Variants in CDHR3 observed in about 807,000 individuals in gnomAD.
The protein encoded by CDHR3 is cadherin-related family member 3.
In CDHR3, 79 loss-of-function variants were observed where a neutral mutation model predicts 86.6. That is an observed-to-expected ratio of 0.91 (90% CI 0.76 to 1.10). CDHR3 has a LOEUF of 1.10. CDHR3 is among the 50% of genes least tolerant of loss of function. The pLI is 0.00. For synonymous variants in CDHR3, 421 were observed against 402.4 expected (o/e 1.05, Z -0.55); for missense variants, 1,081 against 1,077.6 (o/e 1.00, Z -0.04).
At position 105,984,219 on chromosome 7, in the gene CDHR3, C is replaced by A; in HGVS notation, c.443C>A (p.Ala148Glu). 6.2e-7 allele frequency: 1 copy of A among 1,609,944 alleles called. No individual in the cohort carries two copies. Among genetic ancestry groups the A allele is most frequent in the South Asian group, 1.1e-5 (1 of 90,424 alleles). ...CTACACCTCTACATAGTAGAAAGAG[C>A]AAACCCTGGATTCATTTACCAGGTT... is the stretch of plus-strand genomic sequence containing the variant. ...EGLHLYIVERANPGFIYQVEA... is the reference protein window; with the variant it reads ...EGLHLYIVERENPGFIYQVEA... Residue 148 changes from alanine (A) to glutamate (E), a missense_variant, in exon 4 of 19, where the codon GCA (alanine) becomes GAA (glutamate). Coordinates refer to ENST00000317716, the MANE Select transcript of CDHR3 (RefSeq NM_152750.5).
intron 2 of CDHR3, among the ~76,000 whole-genome samples, chr7:105,976,931 G>C (rs746950197): frequency 6.6e-6 from 1 of 150,650 alleles, no homozygotes; most frequent in Non-Finnish European, 1.5e-5. Context: ...AGATGATCAT[G>C]TTCCTTTGAA....
chr7:105,992,040 T>G (rs148124308), intron 4 of CDHR3, among the ~76,000 whole-genome samples: 43 of 152,340 alleles, frequency 2.8e-4, no homozygotes, highest in Admixed American at 7.8e-4. Context: ...GTATTCCAGA[T>G]GAGTCTAAGA....
intron 10 of CDHR3, 182 bp from the exon 11 acceptor site, chr7:106,015,745 T>C (rs561515943): frequency 1.5e-6 from 1 of 647,376 alleles, no homozygotes; most frequent in Admixed American, 2.2e-5. Flanking sequence ...GTGCTCTGTG[T>C]GCTCATGCGC....
chr7:105,980,402 A>T (rs1337320612), intron 2 of CDHR3, among the ~76,000 whole-genome samples: 1 of 148,202 alleles, frequency 6.7e-6, no homozygotes, highest in East Asian at 2.0e-4. Flanking sequence ...TATACAAGTT[A>T]TGGTTCTATT....
intron 10 of CDHR3, 174 bp from the exon 11 acceptor site, chr7:106,015,753 C>A (rs1162242343): frequency 3.0e-6 from 2 of 660,588 alleles, no homozygotes; most frequent in Non-Finnish European, 5.6e-6. Context: ...TGTGCTCATG[C>A]GCTTATCAAA....
At chr7:106,019,686 G>T (rs557028969) in intron 12 of CDHR3, among the ~76,000 whole-genome samples, 24 of 152,322 alleles carry the variant, frequency 1.6e-4, no homozygotes, top group African/African-American at 4.6e-4. Context: ...GCTTATGGCA[G>T]GTTAGCTCTA....
At chr7:106,020,664 TA>T in intron 13 of CDHR3, 120 bp downstream of exon 13, 2 of 1,143,016 alleles carry the variant, frequency 1.7e-6, no homozygotes, top group African/African-American at 1.6e-5. Flanking sequence ...GGGAGGGCAT[TA>T]TTTTTTTGAG....
At chr7:105,975,279 T>G (rs1272269309) in intron 2 of CDHR3, among the ~76,000 whole-genome samples, 2 of 152,230 alleles carry the variant, frequency 1.3e-5, no homozygotes, top group African/African-American at 4.8e-5. Context: ...CTCAATGTGT[T>G]GCAAATAGAG....
chr7:106,009,479 G>C (rs909636275), intron 8 of CDHR3, among the ~76,000 whole-genome samples: 1 of 152,260 alleles, frequency 6.6e-6, no homozygotes, highest in Admixed American at 6.5e-5. Context: ...CAATGGCATG[G>C]TTCTGCCACA....
intron 6 of CDHR3, among the ~76,000 whole-genome samples, chr7:106,000,766 A>G (rs1218986728): frequency 6.6e-6 from 1 of 152,152 alleles, no homozygotes; most frequent in Non-Finnish European, 1.5e-5. Context: ...ATTTGGGGTT[A>G]TCTTGCAAGA....
At chr7:106,026,443 C>G (rs1009508533) in intron 15 of CDHR3, among the ~76,000 whole-genome samples, 4 of 152,190 alleles carry the variant, frequency 2.6e-5, no homozygotes, top group African/African-American at 9.7e-5. Context: ...TAAGGTGATA[C>G]TTTTCAACTC....
Position 106,003,989 on chromosome 7 carries a change from CAAAAAAA to C in CDHR3, c.863-493_863-487del, listed in dbSNP as rs55815648. The stretch of plus-strand genomic sequence containing the variant: ...AGAAACTAAGGTAAACCAACCTAAC[CAAAAAAA>C]AAAAAAAAAAAAAAAGAAAGAAAAA... On this transcript the variant is annotated intron_variant, in intron 7 of 18. Coordinates refer to ENST00000317716, the MANE Select transcript of CDHR3 (RefSeq NM_152750.5). 2.2e-3 allele frequency among the ~76,000 whole-genome samples: 178 copies of C among 79,972 alleles called. 1 individual carries two copies. The highest frequency in any genetic ancestry group is 5.8e-3 in the African/African-American group (121 of 20,968). 52.5% of individuals were successfully genotyped at this position (79,972 alleles called of 152,430 possible). A position where few individuals can be genotyped will look rare whatever the true frequency, so the allele number is the denominator to read the frequency against.
At chr7:106,032,085 T>C (rs1048050527) in intron 18 of CDHR3, among the ~76,000 whole-genome samples, 1 of 152,208 alleles carries the variant, frequency 6.6e-6, no homozygotes, top group South Asian at 2.1e-4. Context: ...AAAGCTTGCA[T>C]GGAGTTCAAG....
intron 8 of CDHR3, among the ~76,000 whole-genome samples, chr7:106,008,131 A>C (rs1466344463): frequency 6.6e-6 from 1 of 152,138 alleles, no homozygotes; most frequent in Non-Finnish European, 1.5e-5. Flanking sequence ...ACCATGATTC[A>C]ATTTCCTCCT....
At chr7:106,029,644 C>T (rs1838037408) in intron 17 of CDHR3, among the ~76,000 whole-genome samples, 1 of 152,024 alleles carries the variant, frequency 6.6e-6, no homozygotes, top group Non-Finnish European at 1.5e-5. Flanking sequence ...CTCCCTCCAG[C>T]TCTTCCCTAC....
chr7:106,008,926 T>G (rs1834344757), intron 8 of CDHR3, among the ~76,000 whole-genome samples: 2 of 152,088 alleles, frequency 1.3e-5, no homozygotes. Flanking sequence ...CCTTGTCCAT[T>G]TTCTCTCTTC....
chr7:106,001,714 T>A, intron 7 of CDHR3, 104 bp downstream of exon 7: 1 of 1,443,810 alleles, frequency 6.9e-7, no homozygotes, highest in East Asian at 2.3e-5. Flanking sequence ...GGTTCTAGGA[T>A]GCACCGTGGA....
intron 6 of CDHR3, among the ~76,000 whole-genome samples, chr7:105,996,827 T>C (rs778216037): frequency 8.5e-5 from 13 of 152,136 alleles, no homozygotes; most frequent in Non-Finnish European, 1.9e-4. Flanking sequence ...CCTGCCATGG[T>C]GGATCCAGAA....
At chr7:106,012,089 A>T (rs1436798480) in intron 8 of CDHR3, among the ~76,000 whole-genome samples, 1 of 152,178 alleles carries the variant, frequency 6.6e-6, no homozygotes, top group African/African-American at 2.4e-5. Flanking sequence ...CTTCTTCACT[A>T]CTGTGCTAGT....
Sources: allele counts gnomAD v4.1 joint callset (sites outside exome capture counted in the v4.1 genomes callset), GRCh38; gene constraint gnomAD v4.1.1; transcripts MANE v1.5; gene names NCBI Gene and HGNC (gene_info 2026-07-23, HGNC 2026-07-21).